ESR2: variants seen among roughly 807,000 people sequenced by gnomAD.
The protein encoded by ESR2 is estrogen receptor beta.
Under a neutral mutation model 49.6 loss-of-function variants are expected in ESR2, and 36 were observed. That is an observed-to-expected ratio of 0.73 (90% CI 0.56 to 0.96). The LOEUF (loss-of-function observed/expected upper bound fraction) is 0.96, where lower values mean the gene tolerates loss of function less well. Ranked by LOEUF, ESR2 falls within the 40% of genes least tolerant of loss-of-function variation. ESR2 has a pLI of 0.00. For synonymous variants in ESR2, 320 were observed against 266.1 expected (o/e 1.20, Z -1.97); for missense variants, 714 against 693.0 (o/e 1.03, Z -0.34).
chr14:64,300,887 GT>G lies in ESR2; in HGVS notation c.-90-17813del, dbSNP rs139148763. Among the ~76,000 whole-genome samples, 813 of 152,272 alleles carry G rather than the reference GT, an allele frequency of 5.3e-3. 10 individuals are homozygous for G. The highest frequency in any genetic ancestry group is 0.018 in the African/African-American group (744 of 41,544). ...TCCCTTAATGCTTGCAATACCTTAA[GT>G]GTCTACCTGAGACACAAGGAAATAT... On this transcript the variant is annotated intron_variant, in intron 1 of 8. Coordinates refer to the ESR2 transcript ENST00000358599.
chr14:64,274,873 G>C (rs1239085130), intron 3 of ESR2, among the ~76,000 whole-genome samples: 1 of 152,138 alleles, frequency 6.6e-6, no homozygotes, highest in East Asian at 1.9e-4. Flanking sequence ...TGGTTGTTCA[G>C]GAGTATATGG....
chr14:64,307,693 C>A (rs555576475), intron 1 of ESR2, among the ~76,000 whole-genome samples: 4 of 152,212 alleles, frequency 2.6e-5, no homozygotes, highest in Admixed American at 2.6e-4. Flanking sequence ...CACCACCACG[C>A]CCGGCTAATT....
chr14:64,295,205 CA>C, upstream of ESR2, among the ~76,000 whole-genome samples: 1 of 152,248 alleles, frequency 6.6e-6, no homozygotes, highest in Non-Finnish European at 1.5e-5. Context: ...GAGAACCCCC[CA>C]GTGTCACATC....
At chr14:64,284,975 G>A (rs1444491641) in intron 1 of ESR2, among the ~76,000 whole-genome samples, 2 of 151,328 alleles carry the variant, frequency 1.3e-5, no homozygotes, top group African/African-American at 2.4e-5. Context: ...TCAGCATCCC[G>A]AGTAGCTGGG....
chr14:64,311,644 GA>G (rs71123837), intron 1 of ESR2, among the ~76,000 whole-genome samples: 6,076 of 91,834 alleles, frequency 0.066, 166 homozygotes, highest in Admixed American at 0.13. Context: ...CTCCATCTCA[GA>G]AAAAAAAAAA....
chr14:64,257,459 A>G, intron 5 of ESR2, 95 bp from the exon 6 acceptor site: 1 of 1,454,398 alleles, frequency 6.9e-7, no homozygotes, highest in Non-Finnish European at 9.4e-7. Flanking sequence ...AACACTAAGA[A>G]AACACAAACC....
chr14:64,227,690 G>A, downstream of ESR2: 1 of 1,605,064 alleles, frequency 6.2e-7, no homozygotes, highest in Non-Finnish European at 8.5e-7. Context: ...TTAATATTGT[G>A]CATGTCAATT....
intron 1 of ESR2, chr14:64,303,611 TAA>T (rs1170414080): frequency 3.3e-5 from 5 of 152,342 alleles, no homozygotes; most frequent in East Asian, 1.9e-4. Context: ...TCAGAATTTC[TAA>T]AGACTTTAAG....
chr14:64,227,838 G>T, downstream of ESR2: 3 of 1,587,126 alleles, frequency 1.9e-6, no homozygotes, highest in Non-Finnish European at 2.6e-6. Flanking sequence ...TATATCGTCT[G>T]CAAATCTTTC....
At chr14:64,244,728 C>G (rs1332340647) in intron 7 of ESR2, among the ~76,000 whole-genome samples, 1 of 152,234 alleles carries the variant, frequency 6.6e-6, no homozygotes, top group East Asian at 1.9e-4. Flanking sequence ...CCCTGGTTCA[C>G]TAGCATGCAG....
intron 4 of ESR2, among the ~76,000 whole-genome samples, chr14:64,264,062 G>C (rs1344453987): frequency 2.6e-5 from 4 of 151,904 alleles, no homozygotes; most frequent in Non-Finnish European, 4.4e-5. Context: ...AATTAAGAAA[G>C]ACATGTTGTA....
chr14:64,282,220 C>G (rs575985797), intron 2 of ESR2, among the ~76,000 whole-genome samples: 69 of 152,274 alleles, frequency 4.5e-4, no homozygotes, highest in Middle Eastern at 6.8e-3. Context: ...TGGCACGCGC[C>G]TGTAATCCCA....
intron 1 of ESR2, among the ~76,000 whole-genome samples, chr14:64,311,377 C>T (rs1012172778): frequency 1.3e-5 from 2 of 152,138 alleles, no homozygotes; most frequent in East Asian, 1.9e-4. Flanking sequence ...TGGTGGTTCA[C>T]GCCTGTAATC....
intron 1 of ESR2, among the ~76,000 whole-genome samples, chr14:64,320,819 C>T (rs1226516710): frequency 6.6e-6 from 1 of 152,078 alleles, no homozygotes; most frequent in Non-Finnish European, 1.5e-5. Context: ...CTTTTGAACC[C>T]AGGAGGCGGA....
At position 64,231,186 on chromosome 14, in the gene ESR2, G is replaced by A. The variant is rs2098726895; in HGVS notation, c.*1951C>T. 1 of 152,110 alleles carries A rather than the reference G, an allele frequency of 6.6e-6. No individual in the cohort carries two copies. Among genetic ancestry groups the A allele is most frequent in the Non-Finnish European group, 1.5e-5 (1 of 68,028 alleles). The allele number at this position is 152,110 out of a possible 1,614,324, so 9.4% of individuals were successfully genotyped here. Reference sequence around the variant, plus strand: ...GGCGTGAGCCACCACATCTGGCCTTGTTTTGGTTTTTTATGTTTTTGTTAC... The same window carrying A: ...GGCGTGAGCCACCACATCTGGCCTTATTTTGGTTTTTTATGTTTTTGTTAC... On this transcript the variant is annotated 3_prime_UTR_variant, in exon 9 of 9. Transcript: ENST00000341099.
chr14:64,234,779 C>T, intron 8 of ESR2, 191 bp downstream of exon 8: 1 of 1,275,478 alleles, frequency 7.8e-7, no homozygotes, highest in Admixed American at 2.8e-5. Flanking sequence ...TGTAAGATAC[C>T]ACATGACATT....
At chr14:64,307,057 A>G (rs987491528) in intron 1 of ESR2, among the ~76,000 whole-genome samples, 1 of 152,024 alleles carries the variant, frequency 6.6e-6, no homozygotes, top group Non-Finnish European at 1.5e-5. Flanking sequence ...TTTTTGTTAA[A>G]AAGTTTTTCA....
At chr14:64,316,767 C>T (rs769124886) in intron 1 of ESR2, among the ~76,000 whole-genome samples, 8 of 152,174 alleles carry the variant, frequency 5.3e-5, no homozygotes, top group East Asian at 1.9e-4. Context: ...CCAGATCCCA[C>T]GACTGCACTC....
intron 1 of ESR2, among the ~76,000 whole-genome samples, chr14:64,310,065 G>A (rs992875589): frequency 6.6e-6 from 1 of 151,768 alleles, no homozygotes; most frequent in Non-Finnish European, 1.5e-5. Context: ...CAGCCTGGGC[G>A]ACAGAGCGAG....
Sources: allele counts gnomAD v4.1 joint callset (sites outside exome capture counted in the v4.1 genomes callset), GRCh38; gene constraint gnomAD v4.1.1; transcripts MANE v1.5; gene names NCBI Gene and HGNC (gene_info 2026-07-23, HGNC 2026-07-21).